The following ADGRB3 variants were observed in gnomAD, a reference collection of about 807,000 sequenced individuals.
ADGRB3 encodes the protein adhesion G protein-coupled receptor B3.
In ADGRB3, 37 loss-of-function variants were observed where a neutral mutation model predicts 193.4. The observed-to-expected ratio is 0.19, with a 90% CI of 0.15 to 0.25. The LOEUF is 0.25. Ranked by LOEUF, ADGRB3 falls within the 10% of genes least tolerant of loss-of-function variation. The pLI is 1.00. For synonymous variants in ADGRB3, 690 were observed against 644.2 expected, an observed-to-expected ratio of 1.07 and a Z score of -1.08; for missense variants, 1,637 against 1,852.9, an observed-to-expected ratio of 0.88 and a Z score of 2.14.
intron 17 of ADGRB3, among the ~76,000 whole-genome samples, chr6:69,102,033 C>T (rs1287263121): frequency 6.6e-6 from 1 of 151,902 alleles, no homozygotes; most frequent in African/African-American, 2.4e-5. Flanking sequence ...AAAAATTAGC[C>T]GGGCGTGGTG....
At chr6:68,641,595 C>T (rs1768083772) in intron 3 of ADGRB3, among the ~76,000 whole-genome samples, 1 of 152,136 alleles carries the variant, frequency 6.6e-6, no homozygotes, top group Non-Finnish European at 1.5e-5. Flanking sequence ...AGCACATAGT[C>T]TCTATTCTGT....
chr6:68,721,332 T>C (rs1362329452), intron 3 of ADGRB3, among the ~76,000 whole-genome samples: 1 of 151,796 alleles, frequency 6.6e-6, no homozygotes, highest in South Asian at 2.1e-4. Context: ...TGTAGGGACA[T>C]GGATGAAGCT....
chr6:69,085,883 AATTAT>A (rs1388802028), intron 17 of ADGRB3, among the ~76,000 whole-genome samples: 9 of 151,882 alleles, frequency 5.9e-5, no homozygotes, highest in African/African-American at 9.7e-5. Context: ...ATTTAAAGAA[AATTAT>A]TTTAAGGTTT....
intron 17 of ADGRB3, among the ~76,000 whole-genome samples, chr6:69,226,876 G>A (rs771094176): frequency 7.2e-4 from 109 of 152,298 alleles, no homozygotes; most frequent in Non-Finnish European, 1.3e-3. Flanking sequence ...ACTTCAAGAT[G>A]ATAAGAGTGG....
chr6:69,097,696 A>ATGTG lies in ADGRB3; in HGVS notation c.2480+21674_2480+21677dup, dbSNP rs140955477. On this transcript the variant is annotated intron_variant, in intron 17 of 31. Coordinates refer to ENST00000370598, the MANE Select transcript of ADGRB3 (RefSeq NM_001704.3). ...TCTCTGTGTATATGTGTGTGTATAT[A>ATGTG]TGTGTGTGTGTGTGTGTGTATATAT... is the stretch of plus-strand genomic sequence containing the variant. Among the ~76,000 whole-genome samples the ATGTG allele has an allele frequency of 3.0e-3, 458 of 150,750 alleles. 3 individuals carry two copies. Among genetic ancestry groups the ATGTG allele is most frequent in the Non-Finnish European group, 4.4e-3 (294 of 67,576 alleles).
chr6:68,952,597 A>G (rs912204424), intron 6 of ADGRB3, among the ~76,000 whole-genome samples: 6 of 152,152 alleles, frequency 3.9e-5, no homozygotes, highest in African/African-American at 7.2e-5. Context: ...ACATATACAT[A>G]TGTAACAAAC....
At position 68,637,553 on chromosome 6, in the gene ADGRB3, A is replaced by G. The variant is rs1471377458; in HGVS notation, c.-25A>G. 6.6e-6 allele frequency: 1 copy of G among 152,660 alleles called. No individual in the cohort carries two copies. The highest frequency in any genetic ancestry group is 6.5e-5 in the Admixed American group (1 of 15,282). The allele number at this position is 152,660 out of a possible 1,614,324, so 9.5% of individuals were successfully genotyped here. On this transcript the variant is annotated 5_prime_UTR_variant, in exon 2 of 32. Transcript: ENST00000370598. The stretch of plus-strand genomic sequence containing the variant: ...ATATTCAAGTTATTTTTGGATAACA[A>G]CTTACAGAGGTAAATATAACCAAGG...
chr6:69,201,338 C>A (rs1238338979), intron 17 of ADGRB3, among the ~76,000 whole-genome samples: 1 of 152,072 alleles, frequency 6.6e-6, no homozygotes. Context: ...GTTCCCAGGA[C>A]CTTGTCCTGG....
At chr6:68,709,329 T>C (rs1205305997) in intron 3 of ADGRB3, among the ~76,000 whole-genome samples, 1 of 152,174 alleles carries the variant, frequency 6.6e-6, no homozygotes, top group Non-Finnish European at 1.5e-5. Flanking sequence ...TTACAAGAGG[T>C]AAAATGTGTA....
chr6:69,207,100 C>T (rs1262669829), intron 17 of ADGRB3, among the ~76,000 whole-genome samples: 1 of 152,162 alleles, frequency 6.6e-6, no homozygotes, highest in African/African-American at 2.4e-5. Flanking sequence ...CCTTCTAAGC[C>T]TGTTGACTTA....
chr6:68,663,382 A>G (rs1768716889), intron 3 of ADGRB3, among the ~76,000 whole-genome samples: 1 of 151,640 alleles, frequency 6.6e-6, no homozygotes, highest in Non-Finnish European at 1.5e-5. Flanking sequence ...AAAATACAAA[A>G]TTATATTCTA....
intron 26 of ADGRB3, among the ~76,000 whole-genome samples, chr6:69,346,278 A>G (rs1769086477): frequency 6.6e-6 from 1 of 152,238 alleles, no homozygotes; most frequent in Non-Finnish European, 1.5e-5. Context: ...CTGTATAGCC[A>G]AGACAATCCT....
At chr6:69,186,218 C>T (rs1016643145) in intron 17 of ADGRB3, among the ~76,000 whole-genome samples, 1 of 151,016 alleles carries the variant, frequency 6.6e-6, no homozygotes, top group Non-Finnish European at 1.5e-5. Context: ...GGCCTGCAAC[C>T]CTTTACTGAA....
intron 26 of ADGRB3, among the ~76,000 whole-genome samples, chr6:69,349,805 C>T (rs1438451453): frequency 6.6e-6 from 1 of 152,154 alleles, no homozygotes; most frequent in Admixed American, 6.6e-5. Flanking sequence ...AGAAGAATTA[C>T]TGTAGGTAAA....
At chr6:68,726,172 T>C (rs1438622611) in intron 3 of ADGRB3, among the ~76,000 whole-genome samples, 2 of 151,688 alleles carry the variant, frequency 1.3e-5, no homozygotes, top group Admixed American at 6.6e-5. Flanking sequence ...TGGAAAATTT[T>C]CTTCCATTAT....
chr6:68,725,194 G>A (rs1765652157), intron 3 of ADGRB3, among the ~76,000 whole-genome samples: 1 of 151,668 alleles, frequency 6.6e-6, no homozygotes, highest in Admixed American at 6.6e-5. Flanking sequence ...TTTGTTGGAG[G>A]AACAATGGGA....
At chr6:68,702,383 T>C (rs1326394251) in intron 3 of ADGRB3, among the ~76,000 whole-genome samples, 1 of 152,092 alleles carries the variant, frequency 6.6e-6, no homozygotes, top group Non-Finnish European at 1.5e-5. Flanking sequence ...ACTTCCAACA[T>C]TGGGGAATAT....
intron 13 of ADGRB3, among the ~76,000 whole-genome samples, chr6:69,028,068 T>C (rs774114446): frequency 5.3e-5 from 8 of 152,214 alleles, no homozygotes; most frequent in Non-Finnish European, 1.0e-4. Flanking sequence ...CTGAGCAATT[T>C]TATCCTCAGA....
chr6:69,056,294 G>A lies in ADGRB3; in HGVS notation c.2334-6640G>A, dbSNP rs1407641630. Among the ~76,000 whole-genome samples, 3 of 152,094 alleles carry A rather than the reference G, an allele frequency of 2.0e-5. No individual in the cohort carries two copies. The East Asian group carries it at 5.8e-4, about 29-fold the overall frequency. On this transcript the variant is annotated intron_variant, in intron 15 of 31. Transcript: ENST00000370598. ...GAAAAAATGTCTATTCAAGTCTTTTGCCCATATTTTAATTTGATAATTTGG... is the reference window on the plus strand; with the variant it reads ...GAAAAAATGTCTATTCAAGTCTTTTACCCATATTTTAATTTGATAATTTGG...
Sources: allele counts gnomAD v4.1 joint callset (sites outside exome capture counted in the v4.1 genomes callset), GRCh38; gene constraint gnomAD v4.1.1; transcripts MANE v1.5; gene names NCBI Gene and HGNC (gene_info 2026-07-23, HGNC 2026-07-21).